The following XKR6 variants were observed in gnomAD, a reference collection of about 807,000 sequenced individuals.
XKR6 encodes the protein XK-related protein 6.
Under a neutral mutation model 56.7 loss-of-function variants are expected in XKR6, and 22 were observed. The ratio of observed to expected loss-of-function variants is 0.39; its 90% CI spans 0.28 to 0.55. The LOEUF (loss-of-function observed/expected upper bound fraction) is 0.55, where lower values mean the gene tolerates loss of function less well. Ranked by LOEUF, XKR6 falls within the 20% of genes least tolerant of loss-of-function variation. The probability of loss-of-function intolerance (pLI) is 0.66; values close to 1 mark genes in which losing one functional copy is unlikely to be tolerated. For synonymous variants in XKR6, 524 were observed against 387.8 expected, an observed-to-expected ratio of 1.35 and a Z score of -4.13; for missense variants, 852 against 889.0, an observed-to-expected ratio of 0.96 and a Z score of 0.53.
intron 1 of XKR6, among the ~76,000 whole-genome samples, chr8:11,070,026 G>A (rs1303070030): frequency 6.6e-6 from 1 of 152,210 alleles, no homozygotes; most frequent in African/African-American, 2.4e-5. Flanking sequence ...GGGATCTTCT[G>A]AAGTTGAGCC....
At chr8:11,035,929 CT>C (rs1008666132) in intron 1 of XKR6, among the ~76,000 whole-genome samples, 2 of 149,500 alleles carry the variant, frequency 1.3e-5, no homozygotes, top group Non-Finnish European at 3.0e-5. Context: ...GTTGAGTTAC[CT>C]GTGAAAGTCT....
chr8:11,056,321 G>A (rs920205755), intron 1 of XKR6, among the ~76,000 whole-genome samples: 1 of 152,218 alleles, frequency 6.6e-6, no homozygotes, highest in African/African-American at 2.4e-5. Flanking sequence ...TCCCACAAGT[G>A]CCTTCCTTTC....
At chr8:11,195,399 A>G (rs559309891) in intron 1 of XKR6, among the ~76,000 whole-genome samples, 4 of 152,306 alleles carry the variant, frequency 2.6e-5, no homozygotes, top group African/African-American at 9.6e-5. Flanking sequence ...ACTGATTAGC[A>G]ATGCCACCTT....
intron 1 of XKR6, among the ~76,000 whole-genome samples, chr8:11,033,022 G>A (rs114677029): frequency 6.6e-6 from 1 of 152,160 alleles, no homozygotes; most frequent in East Asian, 1.9e-4. Flanking sequence ...GGATGGTAAG[G>A]ATGATGATGG....
At chr8:11,136,549 T>C (rs573741052) in intron 1 of XKR6, among the ~76,000 whole-genome samples, 7 of 151,162 alleles carry the variant, frequency 4.6e-5, no homozygotes, top group East Asian at 1.9e-4. Context: ...CTAACCCCCA[T>C]TGTGATGGTA....
chr8:11,080,767 G>C (rs549241859), intron 1 of XKR6, among the ~76,000 whole-genome samples: 2 of 152,258 alleles, frequency 1.3e-5, no homozygotes, highest in Non-Finnish European at 2.9e-5. Context: ...TACCGTCAGA[G>C]ACAACGCAAG....
intron 1 of XKR6, among the ~76,000 whole-genome samples, chr8:11,093,538 C>A (rs573457196): frequency 3.0e-4 from 45 of 152,324 alleles, no homozygotes; most frequent in African/African-American, 1.1e-3. Context: ...CATCCTTAGT[C>A]TCTTAGTTAT....
At chr8:11,081,697 C>A (rs1797727795) in intron 1 of XKR6, among the ~76,000 whole-genome samples, 1 of 152,040 alleles carries the variant, frequency 6.6e-6, no homozygotes, top group Admixed American at 6.6e-5. Context: ...AAACTTACAA[C>A]CAAAGGAGAT....
At chr8:11,011,238 A>G (rs1348867288) in intron 1 of XKR6, among the ~76,000 whole-genome samples, 1 of 152,188 alleles carries the variant, frequency 6.6e-6, no homozygotes, top group Non-Finnish European at 1.5e-5. Flanking sequence ...CATTTCAACA[A>G]TACAGTGACA....
intron 1 of XKR6, among the ~76,000 whole-genome samples, chr8:10,984,472 C>A (rs1797805125): frequency 6.6e-6 from 1 of 151,316 alleles, no homozygotes; most frequent in Non-Finnish European, 1.5e-5. Context: ...CTATAGGCAG[C>A]AAGTGGTGGG....
intron 1 of XKR6, among the ~76,000 whole-genome samples, chr8:11,051,342 G>C (rs1036362263): frequency 2.0e-5 from 3 of 151,748 alleles, no homozygotes; most frequent in African/African-American, 7.3e-5. Flanking sequence ...CTTTCCTTCC[G>C]ACCATGGATT....
chr8:10,981,394 T>C (rs1797732760), intron 1 of XKR6, among the ~76,000 whole-genome samples: 1 of 152,074 alleles, frequency 6.6e-6, no homozygotes, highest in Non-Finnish European at 1.5e-5. Context: ...GTAGAGGAGA[T>C]ATTTCCAAGG....
At chr8:10,954,760 T>C (rs573103886) in intron 1 of XKR6, among the ~76,000 whole-genome samples, 1 of 152,268 alleles carries the variant, frequency 6.6e-6, no homozygotes, top group South Asian at 2.1e-4. Flanking sequence ...TTTACGCCTA[T>C]GTTTTCTTCT....
In XKR6 at chr8:11,062,768, TTC is replaced by T. The variant is rs574744869; in HGVS notation, c.764+137806_764+137807del. On this transcript the variant is annotated intron_variant, in intron 1 of 2. Transcript: ENST00000416569. ...AACAGCTACGTACTTACAGAAATTGTTCTCTCTTTTCCCTGGGCACAGAGCCA... is the reference window on the plus strand; with the variant it reads ...AACAGCTACGTACTTACAGAAATTGTTCTCTTTTCCCTGGGCACAGAGCCA... 467 of 456,326 alleles carry T rather than the reference TTC, an allele frequency of 1.0e-3. 1 individual carries two copies. Among genetic ancestry groups the T allele is most frequent in the African/African-American group, 8.2e-3 (411 of 50,206 alleles). 28.3% of individuals were successfully genotyped at this position (456,326 alleles called of 1,614,324 possible). A position where few individuals can be genotyped will look rare whatever the true frequency, so the allele number is the denominator to read the frequency against.
intron 1 of XKR6, among the ~76,000 whole-genome samples, chr8:10,994,998 C>G (rs1306939716): frequency 6.6e-6 from 1 of 152,178 alleles, no homozygotes; most frequent in African/African-American, 2.4e-5. Flanking sequence ...AGCTCAAGCC[C>G]TGTGTCACAT....
intron 1 of XKR6, among the ~76,000 whole-genome samples, chr8:11,024,336 C>A (rs1798815617): frequency 6.6e-6 from 1 of 151,822 alleles, no homozygotes; most frequent in Non-Finnish European, 1.5e-5. Flanking sequence ...CTCTGCCCTC[C>A]CCAGTTGGGT....
At chr8:11,152,960 A>G (rs1359464976) in intron 1 of XKR6, among the ~76,000 whole-genome samples, 1 of 152,236 alleles carries the variant, frequency 6.6e-6, no homozygotes, top group African/African-American at 2.4e-5. Context: ...GCACTAGCTC[A>G]CAGAATGCCA....
intron 1 of XKR6, among the ~76,000 whole-genome samples, chr8:10,946,352 C>T (rs969395819): frequency 6.6e-6 from 1 of 152,108 alleles, no homozygotes; most frequent in African/African-American, 2.4e-5. Context: ...GTAATGGACA[C>T]GTGCACTTGA....
intron 1 of XKR6, among the ~76,000 whole-genome samples, chr8:10,990,921 G>C (rs931704255): frequency 1.0e-4 from 4 of 38,820 alleles, no homozygotes; most frequent in African/African-American, 3.7e-4. Context: ...TTTTTTTTTC[G>C]AGACAGAGTC....
Sources: allele counts gnomAD v4.1 joint callset (sites outside exome capture counted in the v4.1 genomes callset), GRCh38; gene constraint gnomAD v4.1.1; transcripts MANE v1.5; gene names NCBI Gene and HGNC (gene_info 2026-07-23, HGNC 2026-07-21).